The following SSPN variants were observed in gnomAD, a reference collection of about 807,000 sequenced individuals.
SSPN encodes K-ras oncogene-associated protein.
In SSPN, 15 loss-of-function variants were observed where a neutral mutation model predicts 19.1. That is an observed-to-expected ratio of 0.78 (90% confidence interval 0.52 to 1.21). SSPN has a LOEUF of 1.21. SSPN is among the 50% of genes most tolerant of loss of function. The pLI, the probability that SSPN is intolerant of heterozygous loss-of-function variation, is 0.00. For missense variants in SSPN, 291 were observed against 314.0 expected (o/e 0.93, Z 0.55); for synonymous variants, 147 against 140.3 (o/e 1.05, Z -0.34).
chr12:26,124,382 C>A lies in SSPN; in HGVS notation c.-31+2230C>A, dbSNP rs112580893. 1.7e-4 allele frequency: 171 copies of A among 992,776 alleles called. 1 individual carries two copies. The African/African-American group carries it at 2.2e-3, about 13-fold the overall frequency. The allele number at this position is 992,776 out of a possible 1,614,324, so 61.5% of individuals were successfully genotyped here. ...TGTTTAATATCCCCCTGAGAGTACC[C>A]AGCAAGCCACTTAAAATTCACAGTT... On this transcript the variant is annotated intron_variant, in intron 1 of 2. Transcript: ENST00000538142.
intron 1 of SSPN, chr12:26,123,531 A>G (rs1944334243): frequency 2.3e-6 from 2 of 878,626 alleles, no homozygotes; most frequent in East Asian, 4.8e-5. Context: ...CCATGAGCCC[A>G]CGGAAAGAGA....
chr12:26,122,403 C>A, intron 1 of SSPN: 1 of 1,289,154 alleles, frequency 7.8e-7, no homozygotes, highest in Non-Finnish European at 9.9e-7. Context: ...CTTCTCCAGG[C>A]CGCTCTTGTC....
intron 1 of SSPN, among the ~76,000 whole-genome samples, chr12:26,201,937 T>G (rs1237278582): frequency 6.6e-6 from 1 of 152,208 alleles, no homozygotes; most frequent in Non-Finnish European, 1.5e-5. Flanking sequence ...ATGCCCATTT[T>G]TAAGCTATAT....
chr12:26,233,917 C>G lies in SSPN; in HGVS notation c.*2841C>G, dbSNP rs1417332397. 6.6e-6 allele frequency: 1 copy of G among 152,260 alleles called. No individual in the cohort carries two copies. Among genetic ancestry groups the G allele is most frequent in the Non-Finnish European group, 1.5e-5 (1 of 68,066 alleles). 9.4% of individuals were successfully genotyped at this position (152,260 alleles called of 1,614,324 possible). On this transcript the variant is annotated 3_prime_UTR_variant, in exon 3 of 3. Coordinates refer to ENST00000242729, the MANE Select transcript of SSPN (RefSeq NM_005086.5). The surrounding 1 kb of genome is among the most constrained non-coding windows in gnomAD (Gnocchi z 4.3). ...TGCCTTCACGTGACCACCATCTGTG[C>G]CTCCCTCGCTCCATCCAAATTTGTG...
exon 1 of SSPN, chr12:26,122,067 C>T (rs1221185550): frequency 6.5e-7 from 1 of 1,549,492 alleles, no homozygotes; most frequent in Admixed American, 2.0e-5. Flanking sequence ...CGCAAGGATT[C>T]AGGGAGCTTC....
At chr12:26,169,967 C>T (rs1944644748) in intron 1 of SSPN, among the ~76,000 whole-genome samples, 1 of 152,148 alleles carries the variant, frequency 6.6e-6, no homozygotes, top group Admixed American at 6.5e-5. Flanking sequence ...CTTAAAGACA[C>T]AAATTCCCTA....
intron 1 of SSPN, among the ~76,000 whole-genome samples, chr12:26,178,770 G>C (rs1944700503): frequency 6.6e-6 from 1 of 152,188 alleles, no homozygotes; most frequent in South Asian, 2.1e-4. Flanking sequence ...CCCCTGGTCT[G>C]TTCCCCCAGC....
intron 1 of SSPN, among the ~76,000 whole-genome samples, chr12:26,135,209 G>A (rs183515283): frequency 7.2e-5 from 11 of 152,262 alleles, no homozygotes; most frequent in Admixed American, 4.6e-4. Flanking sequence ...AGGGAGGGGC[G>A]CAGAGTTTGG....
chr12:26,223,122 T>C (rs1945139829), intron 1 of SSPN, among the ~76,000 whole-genome samples: 1 of 152,230 alleles, frequency 6.6e-6, no homozygotes, highest in African/African-American at 2.4e-5. Context: ...AATCATGTCA[T>C]TCCCTGCTCA....
intron 1 of SSPN, among the ~76,000 whole-genome samples, chr12:26,201,470 A>G (rs1944884851): frequency 6.6e-6 from 1 of 152,106 alleles, no homozygotes; most frequent in African/African-American, 2.4e-5. Flanking sequence ...TTAAGATTGA[A>G]CAAAATCATT....
At chr12:26,206,199 A>G (rs1944930090) in intron 1 of SSPN, among the ~76,000 whole-genome samples, 1 of 152,040 alleles carries the variant, frequency 6.6e-6, no homozygotes, top group South Asian at 2.1e-4. Flanking sequence ...GGCGAGGGGG[A>G]AATGTAGGAG....
chr12:26,216,736 T>G (rs1945055175), intron 1 of SSPN, among the ~76,000 whole-genome samples: 1 of 122,792 alleles, frequency 8.1e-6, no homozygotes, highest in Admixed American at 9.2e-5. Flanking sequence ...TAATCCATCT[T>G]GAATTGATTT....
At chr12:26,122,277 G>C in intron 1 of SSPN, 1 of 1,211,586 alleles carries the variant, frequency 8.3e-7, no homozygotes, top group Non-Finnish European at 1.0e-6. Context: ...GGACAGGCAG[G>C]GGAACGCGGC....
At position 26,122,748 on chromosome 12, in the gene SSPN, T is replaced by C. The variant is rs1200508762; in HGVS notation, c.-31+596T>C. On this transcript the variant is annotated intron_variant, in intron 1 of 2. Coordinates refer to the SSPN transcript ENST00000538142. ...GGTGACGCGGCTCGCCCCCGCGCCTTTGCCTTTCTCGCGGTCCGGCCGGGC... is the reference window on the plus strand; with the variant it reads ...GGTGACGCGGCTCGCCCCCGCGCCTCTGCCTTTCTCGCGGTCCGGCCGGGC... 1.9e-6 allele frequency: 3 copies of C among 1,597,460 alleles called. No homozygotes were observed. The highest frequency in any genetic ancestry group is 2.7e-5 in the African/African-American group (2 of 73,134).
upstream of SSPN, chr12:26,195,472 T>G: frequency 1.0e-6 from 1 of 968,550 alleles, no homozygotes; most frequent in African/African-American, 1.7e-5. Context: ...GCGTTGGCAG[T>G]TGGCGACCCC....
chr12:26,216,171 C>T (rs1317172008), intron 1 of SSPN, among the ~76,000 whole-genome samples: 1 of 152,130 alleles, frequency 6.6e-6, no homozygotes, highest in Non-Finnish European at 1.5e-5. Flanking sequence ...CAGTGTGTCA[C>T]TCTGGACCCC....
intron 1 of SSPN, among the ~76,000 whole-genome samples, chr12:26,223,890 A>G (rs1157171058): frequency 6.6e-6 from 1 of 152,178 alleles, no homozygotes; most frequent in African/African-American, 2.4e-5. Context: ...ATATCGCCCA[A>G]CTCAATGTAA....
At chr12:26,131,758 T>A (rs73082924) in intron 1 of SSPN, among the ~76,000 whole-genome samples, 1,671 of 152,258 alleles carry the variant, frequency 0.011, 11 homozygotes, top group Non-Finnish European at 0.017. Flanking sequence ...AAGGCAGGTG[T>A]CTTATAAACA....
intron 1 of SSPN, chr12:26,122,740 C>T (rs1944323505): frequency 1.3e-6 from 2 of 1,595,954 alleles, no homozygotes; most frequent in Non-Finnish European, 1.7e-6. Flanking sequence ...CGGCTCGCCC[C>T]CGCGCCTTTG....
Sources: allele counts gnomAD v4.1 joint callset (sites outside exome capture counted in the v4.1 genomes callset), GRCh38; gene constraint gnomAD v4.1.1; non-coding constraint Gnocchi (gnomAD v3.1); transcripts MANE v1.5; gene names NCBI Gene and HGNC (gene_info 2026-07-23, HGNC 2026-07-21).